The following AHRR variants were observed in gnomAD, a reference collection of about 807,000 sequenced individuals.
AHRR encodes aryl hydrocarbon receptor repressor.
Under a neutral mutation model 44.0 loss-of-function variants are expected in AHRR, and 28 were observed. That is an observed-to-expected ratio of 0.64 (90% confidence interval 0.47 to 0.87). The LOEUF (loss-of-function observed/expected upper bound fraction) is 0.87, where lower values mean the gene tolerates loss of function less well. Among genes scored for constraint, AHRR ranks in the 40% least tolerant of loss-of-function variants. The pLI, the probability that AHRR is intolerant of heterozygous loss-of-function variation, is 0.00. For missense variants in AHRR, 990 were observed against 953.9 expected, an observed-to-expected ratio of 1.04 and a Z score of -0.50; for synonymous variants, 434 against 407.0, an observed-to-expected ratio of 1.07 and a Z score of -0.80.
chr5:434,454 C>T lies in AHRR; in HGVS notation c.1714C>T (p.Leu572=), dbSNP rs1208013629. 1 of 1,613,500 alleles carries T rather than the reference C, an allele frequency of 6.2e-7. No homozygotes were observed. The highest frequency in any genetic ancestry group is 1.1e-5 in the South Asian group (1 of 91,086). The part of the protein sequence containing the change: ...HPATFPTRMH[L]KTEPDSRQQV... ...AGCCACCTTCCCTACCAGGATGCAC[C>T]TGAAAACAGAGCCAGACTCTCGGCA... Residue 572 remains leucine (L), a synonymous_variant, in exon 11 of 11, where the codon CTG becomes TTG. Transcript: ENST00000684583.
rs978513845 is a variant in AHRR, at chr5:412,878, A to G, written c.352-466A>G. On this transcript the variant is annotated intron_variant, in intron 4 of 10. Transcript: ENST00000684583. ...TGGGACTACAGTCGCACACCACCAC[A>G]CCCGGCTAATTTTTGTATTTTTAGT... is the stretch of plus-strand genomic sequence containing the variant. 2.0e-5 allele frequency among the ~76,000 whole-genome samples: 3 copies of G among 151,650 alleles called. No individual in the cohort carries two copies. In the South Asian group the frequency reaches 6.3e-4, roughly 32 times the overall value.
intron 4 of AHRR, among the ~76,000 whole-genome samples, chr5:398,221 TCCTGACCATCCATGTTAGCC>T (rs1734844418): frequency 4.7e-5 from 4 of 84,434 alleles, no homozygotes; most frequent in Admixed American, 1.2e-4. Flanking sequence ...TCCACGTAGC[TCCTGACCATCCATGTTAGCC>T]CCTGACCATC....
At chr5:391,308 T>A (rs562668816) in intron 4 of AHRR, among the ~76,000 whole-genome samples, 1 of 127,298 alleles carries the variant, frequency 7.9e-6, no homozygotes, top group African/African-American at 3.4e-5. Context: ...ATTAGGAAGG[T>A]GGGCCAGAGC....
intron 8 of AHRR, among the ~76,000 whole-genome samples, chr5:430,863 T>C (rs747621298): frequency 6.6e-6 from 1 of 152,198 alleles, no homozygotes. Context: ...ATTAAATGTA[T>C]GTACCTTATT....
At chr5:390,101 C>G (rs573320388) in intron 4 of AHRR, among the ~76,000 whole-genome samples, 105 of 152,230 alleles carry the variant, frequency 6.9e-4, no homozygotes, top group African/African-American at 2.5e-3. Flanking sequence ...CAGAAACACA[C>G]GGAATGAAGA....
intron 4 of AHRR, among the ~76,000 whole-genome samples, chr5:393,645 G>GTTT (rs113564712): frequency 6.7e-6 from 1 of 149,034 alleles, no homozygotes; most frequent in African/African-American, 2.5e-5. Context: ...GTTTTCTTTG[G>GTTT]TTTTTTTTTT....
intron 2 of AHRR, among the ~76,000 whole-genome samples, chr5:352,830 C>T (rs1394222032): frequency 3.3e-4 from 35 of 105,764 alleles, no homozygotes; most frequent in East Asian, 8.4e-4. Context: ...ATGGGTCAGC[C>T]GTAGGGGACG....
At chr5:431,660 C>T (rs1579715023) in intron 8 of AHRR, among the ~76,000 whole-genome samples, 2 of 152,290 alleles carry the variant, frequency 1.3e-5, no homozygotes, top group East Asian at 3.9e-4. Flanking sequence ...GCCCCCCAGT[C>T]TTCCACAGCT....
At chr5:364,703 TA>T (rs1743294802) in intron 3 of AHRR, among the ~76,000 whole-genome samples, 1 of 151,864 alleles carries the variant, frequency 6.6e-6, no homozygotes. Context: ...ACATAACAAC[TA>T]AAAGATAAAG....
At position 435,624 on chromosome 5, in the gene AHRR, A is replaced by G. The variant is rs1302088319; in HGVS notation, c.*790A>G. ...TGGGTCTCTGCGGACGGTTCTTCCT[A>G]ATCTGCCTCTTGGTACATCACGTAA... On this transcript the variant is annotated 3_prime_UTR_variant, in exon 11 of 11. Transcript: ENST00000684583. 1 of 152,274 alleles carries G rather than the reference A, an allele frequency of 6.6e-6. No individual in the cohort carries two copies. The highest frequency in any genetic ancestry group is 1.9e-4 in the East Asian group (1 of 5,328). 9.4% of individuals were successfully genotyped at this position (152,274 alleles called of 1,614,324 possible).
intron 5 of AHRR, 113 bp from the exon 6 acceptor site, chr5:422,610 CCTGTGG>C: frequency 1.5e-6 from 2 of 1,372,886 alleles, no homozygotes; most frequent in Non-Finnish European, 2.1e-6. Flanking sequence ...GGATTCTCTC[CCTGTGG>C]CTGTGACTTG....
Position 410,559 on chromosome 5 carries a change from A to C in AHRR, c.352-2785A>C, listed in dbSNP as rs75958213. Among the ~76,000 whole-genome samples the C allele has an allele frequency of 1.7e-3, 251 of 152,112 alleles. 1 individual carries two copies. Among genetic ancestry groups the C allele is most frequent in the Admixed American group, 9.2e-3 (140 of 15,288 alleles). On this transcript the variant is annotated intron_variant, in intron 4 of 10. Coordinates refer to ENST00000684583, the MANE Select transcript of AHRR (RefSeq NM_001377236.1). ...GTCGCTTTCTATAAAAAGAAAAAAA[A>C]CTTTAAAATGATGATTGGGATTGCA...
intron 3 of AHRR, chr5:367,734 C>T (rs1318362566): frequency 4.6e-6 from 3 of 647,256 alleles, no homozygotes; most frequent in Non-Finnish European, 8.5e-6. Context: ...ACCCCCTCTG[C>T]TGCTCGTTCT....
At chr5:344,039 C>T (rs1448879767) in intron 2 of AHRR, 75 bp downstream of exon 2, 2 of 1,493,202 alleles carry the variant, frequency 1.3e-6, no homozygotes, top group African/African-American at 2.9e-5. Flanking sequence ...GCCTTGAAAA[C>T]GGAGTTTTAG....
In AHRR at chr5:421,266, G is replaced by GT. The variant is rs879753338; in HGVS notation, c.442-1462dup. On this transcript the variant is annotated intron_variant, in intron 5 of 10. Transcript: ENST00000684583. ...GGTTCAGCCACGGAGCGGATGCCGT[G>GT]TGCAGGCACGGAACGGGCGAGGCTG... The GT allele has an allele frequency of 4.1e-4, 286 of 698,616 alleles. 2 individuals are homozygous for GT. The East Asian group carries it at 5.4e-3, about 13-fold the overall frequency. 43.3% of individuals were successfully genotyped at this position (698,616 alleles called of 1,614,324 possible).
rs867364330 is a variant in AHRR at position 415,373 on chromosome 5, G to T, written c.441+1940G>T. ...GCCTAGGGGCCGAGTCTCCCTGGTCGGGTGGGAGGCCTAGGGGCCGAGTCT... is the reference window on the plus strand; with the variant it reads ...GCCTAGGGGCCGAGTCTCCCTGGTCTGGTGGGAGGCCTAGGGGCCGAGTCT... On this transcript the variant is annotated intron_variant, in intron 5 of 10. Transcript: ENST00000684583. Among the ~76,000 whole-genome samples, 939 of 123,226 alleles carry T rather than the reference G, an allele frequency of 7.6e-3. 3 individuals carry two copies. The highest frequency in any genetic ancestry group is 0.012 in the Non-Finnish European group (647 of 54,366). 80.8% of individuals were successfully genotyped at this position (123,226 alleles called of 152,430 possible).
At chr5:390,704 G>T (rs557741300) in intron 4 of AHRR, among the ~76,000 whole-genome samples, 3 of 152,102 alleles carry the variant, frequency 2.0e-5, no homozygotes, top group Admixed American at 2.0e-4. Context: ...ATGAGTTTCC[G>T]GGTTGGAAGT....
intron 5 of AHRR, among the ~76,000 whole-genome samples, chr5:417,865 C>G (rs903837390): frequency 3.9e-5 from 6 of 152,164 alleles, no homozygotes; most frequent in Non-Finnish European, 8.8e-5. Flanking sequence ...GCTTATTGTG[C>G]AAAATGCTTT....
chr5:435,366 A>AAT lies in AHRR; in HGVS notation c.*532_*533insAT. 1.3e-5 allele frequency: 2 copies of AAT among 159,244 alleles called. No individual in the cohort carries two copies. The highest frequency in any genetic ancestry group is 2.8e-5 in the Non-Finnish European group (2 of 72,274). The allele number at this position is 159,244 out of a possible 1,614,324, so 9.9% of individuals were successfully genotyped here. ...TCAGCCCATCGCCACAGTGCACTGT[A>AAT]GAGGCCAGCACACGGCAAATTAGAA... On this transcript the variant is annotated 3_prime_UTR_variant, in exon 11 of 11. Coordinates refer to ENST00000684583, the MANE Select transcript of AHRR (RefSeq NM_001377236.1).
Sources: allele counts gnomAD v4.1 joint callset (sites outside exome capture counted in the v4.1 genomes callset), GRCh38; gene constraint gnomAD v4.1.1; transcripts MANE v1.5; gene names NCBI Gene and HGNC (gene_info 2026-07-23, HGNC 2026-07-21).